MAPRE2: variants seen among roughly 807,000 people sequenced by gnomAD.
MAPRE2 encodes microtubule associated protein RP/EB family member 2, also known as microtubule-associated protein RP/EB family member 2.
In MAPRE2, 13 loss-of-function variants were observed where a neutral mutation model predicts 43.2. The observed-to-expected ratio is 0.30, with a 90% CI of 0.20 to 0.48. The LOEUF (loss-of-function observed/expected upper bound fraction) is 0.48. Ranked by LOEUF, MAPRE2 falls within the 20% of genes least tolerant of loss-of-function variation. MAPRE2 has a pLI of 0.99. For missense variants in MAPRE2, 161 were observed against 400.2 expected, an observed-to-expected ratio of 0.40 and a Z score of 5.10; for synonymous variants, 135 against 148.8, an observed-to-expected ratio of 0.91 and a Z score of 0.68.
intron 6 of MAPRE2, 34 bp downstream of exon 6, chr18:35,132,224 A>G (rs1910188361): frequency 1.2e-6 from 2 of 1,605,908 alleles, no homozygotes; most frequent in Non-Finnish European, 8.5e-7. Context: ...CCTGTGTTCT[A>G]AAATGACTCT....
intron 1 of MAPRE2, among the ~76,000 whole-genome samples, chr18:34,981,883 A>T (rs9675985): frequency 0.75 from 101,273 of 134,432 alleles, 35,520 homozygotes; most frequent in East Asian, 0.78. Context: ...TTTTATTTTT[A>T]TTTATTTTTT....
chr18:35,100,219 G>C (rs1310910447), intron 3 of MAPRE2, among the ~76,000 whole-genome samples: 1 of 152,156 alleles, frequency 6.6e-6, no homozygotes, highest in Non-Finnish European at 1.5e-5. Context: ...TAAGAATCCA[G>C]TGATAATATA....
intron 1 of MAPRE2, among the ~76,000 whole-genome samples, chr18:34,998,663 A>T (rs1313095415): frequency 6.6e-6 from 1 of 150,502 alleles, no homozygotes; most frequent in Non-Finnish European, 1.5e-5. Flanking sequence ...GGGTTTCTCC[A>T]TATTGGCCAG....
intron 1 of MAPRE2, among the ~76,000 whole-genome samples, chr18:35,043,767 T>A (rs927354117): frequency 6.6e-6 from 1 of 152,214 alleles, no homozygotes; most frequent in African/African-American, 2.4e-5. Flanking sequence ...ATTGCATTTG[T>A]CTTGTGTTAT....
intron 4 of MAPRE2, among the ~76,000 whole-genome samples, chr18:35,126,686 G>GA (rs1484739446): frequency 6.6e-6 from 1 of 151,908 alleles, no homozygotes; most frequent in African/African-American, 2.4e-5. Context: ...TCCAGAGGGA[G>GA]AAGGGACAAT....
chr18:35,017,191 T>C (rs1045463810), intron 2 of MAPRE2, among the ~76,000 whole-genome samples: 5 of 151,786 alleles, frequency 3.3e-5, no homozygotes, highest in Admixed American at 2.6e-4. Context: ...TCCTTTGGTC[T>C]GTATATAGCC....
At chr18:34,985,556 ATAT>A (rs1417171021) in intron 1 of MAPRE2, among the ~76,000 whole-genome samples, 3 of 60,956 alleles carry the variant, frequency 4.9e-5, no homozygotes, top group African/African-American at 6.2e-5. Context: ...TATATATTAT[ATAT>A]TATAAATATA....
intron 1 of MAPRE2, among the ~76,000 whole-genome samples, chr18:34,993,423 G>A (rs1043612248): frequency 6.6e-6 from 1 of 151,952 alleles, no homozygotes; most frequent in East Asian, 1.9e-4. Flanking sequence ...TACAGCACCT[G>A]CCTGAGGCAC....
At chr18:35,049,937 G>T (rs1905851276) in intron 1 of MAPRE2, among the ~76,000 whole-genome samples, 1 of 152,134 alleles carries the variant, frequency 6.6e-6, no homozygotes, top group South Asian at 2.1e-4. Context: ...TTTTCAAAAA[G>T]TCGAGGAAAA....
At chr18:35,045,668 G>T (rs1459351878) in intron 1 of MAPRE2, among the ~76,000 whole-genome samples, 3 of 152,084 alleles carry the variant, frequency 2.0e-5, no homozygotes, top group African/African-American at 7.2e-5. Context: ...TTCAATAGAG[G>T]CTATTGTAAC....
At chr18:35,046,180 G>A (rs1237564921) in intron 1 of MAPRE2, among the ~76,000 whole-genome samples, 6 of 152,294 alleles carry the variant, frequency 3.9e-5, no homozygotes, top group Admixed American at 2.0e-4. Flanking sequence ...ATTCTGTTTG[G>A]TTTAGAGAAT....
chr18:35,075,992 G>A (rs1233454618), intron 2 of MAPRE2, among the ~76,000 whole-genome samples: 5 of 152,080 alleles, frequency 3.3e-5, no homozygotes, highest in Non-Finnish European at 5.9e-5. Context: ...GTTTTTCTTG[G>A]GACTTTTTGT....
intron 1 of MAPRE2, among the ~76,000 whole-genome samples, chr18:34,978,071 C>T (rs2097014177): frequency 6.6e-6 from 1 of 152,190 alleles, no homozygotes; most frequent in South Asian, 2.1e-4. Flanking sequence ...AACCCCCAAG[C>T]CCCTCCTGCT....
intron 4 of MAPRE2, among the ~76,000 whole-genome samples, chr18:35,112,694 G>GT (rs889086502): frequency 2.0e-5 from 3 of 152,110 alleles, no homozygotes; most frequent in Non-Finnish European, 2.9e-5. Flanking sequence ...GGTAGCAGTG[G>GT]TTTTTTTCTT....
chr18:34,989,686 G>A (rs1413346349), intron 1 of MAPRE2, among the ~76,000 whole-genome samples: 1 of 151,956 alleles, frequency 6.6e-6, no homozygotes, highest in African/African-American at 2.4e-5. Flanking sequence ...ACTACAGCTT[G>A]GGAAGCAGAG....
chr18:35,061,058 C>T (rs1167263918), intron 1 of MAPRE2, among the ~76,000 whole-genome samples: 1 of 150,154 alleles, frequency 6.7e-6, no homozygotes, highest in Non-Finnish European at 1.5e-5. Flanking sequence ...TGTTCATTCT[C>T]TCTTGGAGGT....
intron 1 of MAPRE2, among the ~76,000 whole-genome samples, chr18:34,990,482 G>A (rs985330122): frequency 4.6e-5 from 7 of 151,972 alleles, no homozygotes; most frequent in African/African-American, 1.7e-4. Flanking sequence ...ACAGGTGTTG[G>A]GATATTTTTG....
chr18:35,014,076 T>C (rs920492994), intron 2 of MAPRE2, among the ~76,000 whole-genome samples: 10 of 152,128 alleles, frequency 6.6e-5, no homozygotes, highest in Admixed American at 1.3e-4. Flanking sequence ...TAGCCCTTTA[T>C]TGCAACAAGC....
chr18:35,072,592 C>G (rs1315048132), intron 2 of MAPRE2, among the ~76,000 whole-genome samples: 1 of 152,156 alleles, frequency 6.6e-6, no homozygotes, highest in African/African-American at 2.4e-5. Context: ...TTTTTAGATA[C>G]TGTAGTAAAT....
Sources: gnomAD v4.1 joint callset for allele counts (sites outside exome capture counted in the v4.1 genomes callset) on GRCh38, gnomAD v4.1.1 for gene constraint, MANE v1.5 for transcripts, NCBI Gene and HGNC (gene_info 2026-07-23, HGNC 2026-07-21) for gene names.